The following CDKN2B-AS1 variants were observed in gnomAD, a reference collection of about 807,000 sequenced individuals.
The protein encoded by CDKN2B-AS1 is CDKN2B and CDKN2A antisense cis and trans regulatory RNA 1.
intron 4 of CDKN2B-AS1, among the ~76,000 whole-genome samples, chr9:22,082,705 G>A (rs967739073): frequency 2.6e-4 from 39 of 152,260 alleles, no homozygotes; most frequent in Middle Eastern, 3.4e-3. Context: ...AGTAAATTGG[G>A]AACTATAGAA....
intron 4 of CDKN2B-AS1, chr9:22,119,470 A>G (rs994209367): frequency 1.5e-4 from 23 of 152,178 alleles, no homozygotes; most frequent in South Asian, 2.1e-4. Flanking sequence ...TAGGCGAGCA[A>G]AGAAGTGTGT....
chr9:22,059,047 A>C (rs1823693312), intron 4 of CDKN2B-AS1: 1 of 152,528 alleles, frequency 6.6e-6, no homozygotes, highest in Non-Finnish European at 1.5e-5. Flanking sequence ...TGGGAGAAAC[A>C]ATTCAAGGTG....
At chr9:22,104,209 G>A (rs889292680) in intron 4 of CDKN2B-AS1, among the ~76,000 whole-genome samples, 5 of 152,124 alleles carry the variant, frequency 3.3e-5, no homozygotes, top group Non-Finnish European at 7.3e-5. Context: ...TTGCCATATC[G>A]TGGAGGCCAT....
intron 4 of CDKN2B-AS1, among the ~76,000 whole-genome samples, chr9:22,079,796 A>T (rs1407482177): frequency 6.6e-6 from 1 of 152,164 alleles, no homozygotes; most frequent in African/African-American, 2.4e-5. Context: ...CTCCACCGGC[A>T]TAGCTTGTTT....
At chr9:22,020,032 C>T (rs993347169) in intron 1 of CDKN2B-AS1, among the ~76,000 whole-genome samples, 2 of 152,128 alleles carry the variant, frequency 1.3e-5, no homozygotes, top group Non-Finnish European at 2.9e-5. Context: ...CCATCTTCCA[C>T]CTTCTGATAG....
At chr9:22,060,780 A>G (rs111873758) in intron 4 of CDKN2B-AS1, among the ~76,000 whole-genome samples, 1 of 152,222 alleles carries the variant, frequency 6.6e-6, no homozygotes, top group African/African-American at 2.4e-5. Context: ...GCAGGAGGTG[A>G]AAGGCACTTC....
At chr9:22,060,023 C>G (rs1346441534) in intron 4 of CDKN2B-AS1, among the ~76,000 whole-genome samples, 3 of 152,142 alleles carry the variant, frequency 2.0e-5, no homozygotes, top group African/African-American at 7.2e-5. Context: ...CCTCTTGGGC[C>G]TCTGGGCCTG....
chr9:22,038,474 C>G (rs1822776082), intron 1 of CDKN2B-AS1, among the ~76,000 whole-genome samples: 1 of 151,936 alleles, frequency 6.6e-6, no homozygotes, highest in Non-Finnish European at 1.5e-5. Context: ...ACTTTAATTG[C>G]TCAGCTGCCT....
At chr9:22,048,914 G>A (rs980293024) in intron 2 of CDKN2B-AS1, among the ~76,000 whole-genome samples, 1 of 152,178 alleles carries the variant, frequency 6.6e-6, no homozygotes, top group Non-Finnish European at 1.5e-5. Flanking sequence ...CTTAGGGATA[G>A]TGTGAGACAA....
rs1820925832 is a variant in CDKN2B-AS1 at position 22,001,728 on chromosome 9, A to G, written n.29+6567A>G. ...TAAAATCTTCTGAGTAGGGAATTTAAGAGGCAAGAAAGGAGTAATTTCATT... is the reference window on the plus strand; with the variant it reads ...TAAAATCTTCTGAGTAGGGAATTTAGGAGGCAAGAAAGGAGTAATTTCATT... On this transcript the variant is annotated intron_variant and non_coding_transcript_variant, in intron 1 of 4. Transcript: ENST00000650946. The surrounding 1 kb of genome is among the most constrained non-coding windows in gnomAD (Gnocchi z 4.2). Among the ~76,000 whole-genome samples, 3 of 152,150 alleles carry G rather than the reference A, an allele frequency of 2.0e-5. No individual in the cohort carries two copies. In the South Asian group the frequency reaches 6.2e-4, roughly 31 times the overall value.
chr9:22,003,936 T>C (rs1471318573), intron 1 of CDKN2B-AS1: 1 of 232,512 alleles, frequency 4.3e-6, no homozygotes, highest in Admixed American at 5.6e-5. Context: ...GAGGACAAGC[T>C]GGTGCAATGG....
chr9:22,096,687 G>T (rs1825287404), intron 4 of CDKN2B-AS1, among the ~76,000 whole-genome samples: 1 of 152,080 alleles, frequency 6.6e-6, no homozygotes, highest in Non-Finnish European at 1.5e-5. Context: ...CCATGACCCT[G>T]GCCCTGTCCC....
intron 4 of CDKN2B-AS1, among the ~76,000 whole-genome samples, chr9:22,104,875 C>T (rs72652490): frequency 5.3e-4 from 80 of 152,244 alleles, no homozygotes; most frequent in Non-Finnish European, 9.4e-4. Context: ...TTGAATACCA[C>T]TGAATATTAA....
intron 1 of CDKN2B-AS1, among the ~76,000 whole-genome samples, chr9:22,042,526 G>A (rs779169989): frequency 1.1e-4 from 16 of 152,092 alleles, no homozygotes; most frequent in Non-Finnish European, 1.9e-4. Flanking sequence ...TGGTTCATCT[G>A]TGTGGTTGTG....
chr9:22,023,117 A>T (rs2131227062), intron 1 of CDKN2B-AS1, among the ~76,000 whole-genome samples: 1 of 152,214 alleles, frequency 6.6e-6, no homozygotes, highest in South Asian at 2.1e-4. Context: ...TGAACTTATT[A>T]TGGGGTATCT....
At chr9:22,016,980 T>C (rs1366197935) in intron 1 of CDKN2B-AS1, among the ~76,000 whole-genome samples, 1 of 152,256 alleles carries the variant, frequency 6.6e-6, no homozygotes, top group Non-Finnish European at 1.5e-5. Context: ...AGTGAATCTT[T>C]TTGACATGGA....
chr9:22,024,006 A>G (rs1822122160), intron 1 of CDKN2B-AS1, among the ~76,000 whole-genome samples: 1 of 152,174 alleles, frequency 6.6e-6, no homozygotes, highest in Non-Finnish European at 1.5e-5. Context: ...CTTTGGAGGA[A>G]AGAAGGTACT....
At chr9:22,049,674 G>T (rs894667037) in intron 3 of CDKN2B-AS1, among the ~76,000 whole-genome samples, 1 of 152,146 alleles carries the variant, frequency 6.6e-6, no homozygotes, top group Non-Finnish European at 1.5e-5. Context: ...CTCACATTAA[G>T]ATCAAGGGCC....
chr9:22,015,665 T>G (rs534663208), intron 1 of CDKN2B-AS1, among the ~76,000 whole-genome samples: 3 of 152,212 alleles, frequency 2.0e-5, no homozygotes, highest in African/African-American at 7.2e-5. Context: ...TACTTTAAGT[T>G]TTAGGGTACA....
Sources: allele counts gnomAD v4.1 joint callset (sites outside exome capture counted in the v4.1 genomes callset), GRCh38; gene constraint gnomAD v4.1.1; non-coding constraint Gnocchi (gnomAD v3.1); transcripts MANE v1.5; gene names NCBI Gene and HGNC (gene_info 2026-07-23, HGNC 2026-07-21).